ASXL2: variants seen among roughly 807,000 people sequenced by gnomAD.
ASXL2 encodes the protein putative Polycomb group protein ASXL2.
A neutral mutation model predicts 122.0 loss-of-function variants in ASXL2; 23 were observed. The observed-to-expected ratio is 0.19, with a 90% CI of 0.14 to 0.27. The LOEUF is 0.27. Ranked by LOEUF, ASXL2 falls within the 10% of genes least tolerant of loss-of-function variation. ASXL2 has a pLI of 1.00. For synonymous variants in ASXL2, 650 were observed against 637.0 expected (o/e 1.02, Z -0.31); for missense variants, 1,518 against 1,713.8 (o/e 0.89, Z 2.02).
At chr2:25,798,855 T>C (rs1159300835) in intron 5 of ASXL2, among the ~76,000 whole-genome samples, 1 of 152,174 alleles carries the variant, frequency 6.6e-6, no homozygotes, top group Non-Finnish European at 1.5e-5. Flanking sequence ...AACTATTCTG[T>C]TTGATACTAT....
intron 5 of ASXL2, among the ~76,000 whole-genome samples, chr2:25,796,092 G>A (rs1255105610): frequency 6.6e-6 from 1 of 152,190 alleles, no homozygotes; most frequent in Non-Finnish European, 1.5e-5. Context: ...AATTATGTAT[G>A]TAGTAGCTAT....
At chr2:25,822,770 G>A (rs1443173051) in intron 3 of ASXL2, 4 of 590,532 alleles carry the variant, frequency 6.8e-6, no homozygotes, top group South Asian at 2.8e-5. Flanking sequence ...GGCTTAGTGT[G>A]GACTTCAGTA....
chr2:25,797,087 A>T (rs1046562285), intron 5 of ASXL2, among the ~76,000 whole-genome samples: 1 of 152,256 alleles, frequency 6.6e-6, no homozygotes, highest in Non-Finnish European at 1.5e-5. Flanking sequence ...AATGTGATAC[A>T]CTAGACTTCA....
intron 8 of ASXL2, among the ~76,000 whole-genome samples, chr2:25,760,773 TACA>T (rs1357857683): frequency 6.6e-6 from 1 of 151,998 alleles, no homozygotes; most frequent in Non-Finnish European, 1.5e-5. Flanking sequence ...GTTATGCCAC[TACA>T]AGAGAGAATC....
At chr2:25,819,645 T>TA (rs1460149262) in intron 3 of ASXL2, among the ~76,000 whole-genome samples, 15 of 151,808 alleles carry the variant, frequency 9.9e-5, no homozygotes, top group Non-Finnish European at 1.9e-4. Flanking sequence ...TGGCCTGCAC[T>TA]AAAAAAAATG....
chr2:25,761,881 T>TAA (rs952303391), intron 8 of ASXL2, among the ~76,000 whole-genome samples: 1 of 152,056 alleles, frequency 6.6e-6, no homozygotes, highest in African/African-American at 2.4e-5. Context: ...AAACCTGATA[T>TAA]AAATACAGTT....
chr2:25,806,825 T>C (rs2089090190), intron 3 of ASXL2, among the ~76,000 whole-genome samples: 2 of 152,150 alleles, frequency 1.3e-5, no homozygotes, highest in South Asian at 4.1e-4. Context: ...TTAAGTAGGC[T>C]TCTGAATATT....
chr2:25,817,476 T>C (rs2089251719), intron 3 of ASXL2, among the ~76,000 whole-genome samples: 1 of 152,204 alleles, frequency 6.6e-6, no homozygotes. Flanking sequence ...CAATAAACAA[T>C]GGTTATTCCT....
At chr2:25,763,503 G>A (rs979922664) in intron 8 of ASXL2, among the ~76,000 whole-genome samples, 1 of 151,194 alleles carries the variant, frequency 6.6e-6, no homozygotes, top group Non-Finnish European at 1.5e-5. Context: ...AAAAAAAAAA[G>A]CTGATTTCAG....
Position 25,813,827 on chromosome 2 carries a change from G to A in ASXL2, c.144-7490C>T, listed in dbSNP as rs192949703. ...GCACTTTGGGAGGCCAAGGCAGGCG[G>A]ATCATGAGGTCAGGAGATCGAGACC... On this transcript the variant is annotated intron_variant, in intron 3 of 12. Transcript: ENST00000435504. Among the ~76,000 whole-genome samples the A allele has an allele frequency of 2.4e-3, 366 of 152,302 alleles. 2 individuals carry two copies. The highest frequency in any genetic ancestry group is 8.4e-3 in the African/African-American group (348 of 41,572).
At position 25,863,077 on chromosome 2, in the gene ASXL2, C is replaced by T. The variant is rs563600632; in HGVS notation, c.57+15089G>A. On this transcript the variant is annotated intron_variant, in intron 1 of 12. Coordinates refer to ENST00000435504, the MANE Select transcript of ASXL2 (RefSeq NM_018263.6). ...GGGCACAGTGGCTCACGCCTTTAAT[C>T]CCAGCACTCTGGAAGGCCGAAGCAC... Among the ~76,000 whole-genome samples, 7 of 152,212 alleles carry T rather than the reference C, an allele frequency of 4.6e-5. No homozygotes were observed. In the South Asian group the frequency reaches 1.2e-3, roughly 27 times the overall value.
chr2:25,841,108 G>GGCAAC (rs71310122), intron 2 of ASXL2, among the ~76,000 whole-genome samples: 21,623 of 152,098 alleles, frequency 0.14, 2,043 homozygotes, highest in African/African-American at 0.27. Flanking sequence ...GACCGGCCTG[G>GGCAAC]ATGGCGAAAC....
intron 2 of ASXL2, among the ~76,000 whole-genome samples, chr2:25,839,511 C>T (rs2089551365): frequency 6.6e-6 from 1 of 151,742 alleles, no homozygotes; most frequent in African/African-American, 2.4e-5. Context: ...GTAACAGAAA[C>T]AGTTCTTAAC....
rs2149145229 is a variant in ASXL2, at chr2:25,757,794, G to C, written c.940-1680C>G. ...TAAAATTGTATGTGGCAATCCTCCA[G>C]ATTTAGAACTTGATAAAGAACATTA... On this transcript the variant is annotated intron_variant, in intron 9 of 12. Coordinates refer to ENST00000435504, the MANE Select transcript of ASXL2 (RefSeq NM_018263.6). Among the ~76,000 whole-genome samples the C allele has an allele frequency of 4.0e-5, 6 of 149,854 alleles. 1 individual carries two copies. The Admixed American group carries it at 4.0e-4, about 10-fold the overall frequency.
intron 1 of ASXL2, among the ~76,000 whole-genome samples, chr2:25,869,283 A>G (rs1484518185): frequency 6.6e-6 from 1 of 151,946 alleles, no homozygotes. Flanking sequence ...GTCAGCTGAG[A>G]TCCACCACTG....
chr2:25,794,572 G>GA (rs1214646768), intron 5 of ASXL2, among the ~76,000 whole-genome samples: 2 of 152,092 alleles, frequency 1.3e-5, no homozygotes, highest in Non-Finnish European at 2.9e-5. Context: ...ACTTTACACA[G>GA]AAATCAATAA....
Position 25,878,283 on chromosome 2 carries a change from G to T in ASXL2, c.-61C>A. ...CGGGCTCCGGCCGCCCTCCCTGCCT[G>T]CTCTGCCCTGCGCTGCTTTTCCCGC... On this transcript the variant is annotated 5_prime_UTR_variant, in exon 1 of 13. Transcript: ENST00000435504. 1 of 1,563,504 alleles carries T rather than the reference G, an allele frequency of 6.4e-7. No individual in the cohort carries two copies. The highest frequency in any genetic ancestry group is 8.8e-7 in the Non-Finnish European group (1 of 1,135,724).
chr2:25,749,716 G>A lies in ASXL2; in HGVS notation c.1840C>T (p.Arg614Ter). 1 of 1,522,198 alleles carries A rather than the reference G, an allele frequency of 6.6e-7. No homozygotes were observed. The highest frequency in any genetic ancestry group is 8.8e-7 in the Non-Finnish European group (1 of 1,138,374). 94.3% of individuals were successfully genotyped at this position (1,522,198 alleles called of 1,614,324 possible). Residue 614 changes from arginine to a stop codon, truncating the protein, a stop_gained, in exon 12 of 13, where the codon CGA (arginine) becomes TGA (stop). Transcript: ENST00000435504. LOFTEE classifies it high-confidence loss of function. ...FLNRGDRIQV[R>*]KVPPLKIPVS... ...CTTACCTTGAGAGGTGGTACTTTTC[G>A]CACCTGGATTCTGTCCCCTCTATTG...
intron 5 of ASXL2, 33 bp downstream of exon 5, chr2:25,799,352 T>G (rs1240177340): frequency 1.9e-6 from 3 of 1,613,742 alleles, no homozygotes; most frequent in Non-Finnish European, 2.5e-6. Flanking sequence ...CCTACAGCAT[T>G]TAGTACTTTA....
Sources: allele counts gnomAD v4.1 joint callset (sites outside exome capture counted in the v4.1 genomes callset), GRCh38; gene constraint gnomAD v4.1.1; transcripts MANE v1.5; gene names NCBI Gene and HGNC (gene_info 2026-07-23, HGNC 2026-07-21).